The following CFAP47 variants were observed in gnomAD, a reference collection of about 807,000 sequenced individuals.
The protein encoded by CFAP47 is cilia and flagella associated protein 47.
Under a neutral mutation model 148.1 loss-of-function variants are expected in CFAP47, and 29 were observed. The ratio of observed to expected loss-of-function variants is 0.20; its 90% CI spans 0.15 to 0.27. The LOEUF (loss-of-function observed/expected upper bound fraction) is 0.27, where lower values mean the gene tolerates loss of function less well. CFAP47 is among the 10% of genes least tolerant of loss of function. The pLI is 1.00. For missense variants in CFAP47, 1,872 were observed against 1,697.5 expected (o/e 1.10, Z -1.81); for synonymous variants, 664 against 577.3 (o/e 1.15, Z -2.15).
chrX:36,268,054 A>G (rs1237860258), intron 49 of CFAP47, among the ~76,000 whole-genome samples: 2 of 112,869 alleles, frequency 1.8e-5, no homozygotes, highest in Non-Finnish European at 3.7e-5. Context: ...TACTCACATG[A>G]TTGTCTAGAC....
chrX:36,100,460 G>T (rs1016949751), intron 32 of CFAP47, among the ~76,000 whole-genome samples: 6 of 112,089 alleles, frequency 5.4e-5, no homozygotes, highest in Middle Eastern at 4.7e-3. Context: ...TGCATTTGTG[G>T]GTAGATTAAC....
intron 49 of CFAP47, among the ~76,000 whole-genome samples, chrX:36,271,854 C>A (rs147153188): frequency 9.0e-6 from 1 of 111,359 alleles, no homozygotes; most frequent in African/African-American, 3.3e-5. Context: ...GGGAACAATA[C>A]CCCAAAGAAG....
intron 15 of CFAP47, among the ~76,000 whole-genome samples, chrX:35,981,367 T>C (rs1318491688): frequency 1.9e-5 from 2 of 106,071 alleles, no homozygotes; most frequent in Admixed American, 1.1e-4. Flanking sequence ...GCCTACTAGA[T>C]ATTAAAACAA....
intron 26 of CFAP47, among the ~76,000 whole-genome samples, chrX:36,056,646 A>G (rs928462716): frequency 4.4e-5 from 5 of 112,424 alleles, no homozygotes; most frequent in African/African-American, 1.3e-4. Context: ...AATTTGAAAT[A>G]TGTGGAACTG....
rs1378186013 is a variant in CFAP47 at position 36,041,019 on chromosome X, T to C, written c.4007+1840T>C. Among the ~76,000 whole-genome samples, 5 of 111,880 alleles carry C rather than the reference T, an allele frequency of 4.5e-5. No homozygotes were observed. In the East Asian group the frequency reaches 1.4e-3, roughly 31 times the overall value. ...GGAAATATATAACCTTAAATACTGA[T>C]ATTAGGAAAGAAAAAAATGATTGGA... On this transcript the variant is annotated intron_variant, in intron 25 of 63. Transcript: ENST00000378653.
At chrX:35,959,051 T>TA (rs1936285066) in intron 8 of CFAP47, among the ~76,000 whole-genome samples, 1 of 112,299 alleles carries the variant, frequency 8.9e-6, no homozygotes, top group African/African-American at 3.2e-5. Context: ...GCAGATTCTC[T>TA]GCTAGAGTTT....
intron 37 of CFAP47, among the ~76,000 whole-genome samples, chrX:36,157,522 A>T (rs1302776227): frequency 9.0e-6 from 1 of 111,021 alleles, no homozygotes; most frequent in African/African-American, 3.3e-5. Flanking sequence ...TTCACATTCC[A>T]CCTAATATAT....
At chrX:36,030,830 T>G (rs1937271439) in intron 22 of CFAP47, among the ~76,000 whole-genome samples, 1 of 110,361 alleles carries the variant, frequency 9.1e-6, no homozygotes, top group South Asian at 3.8e-4. Context: ...GTTTTCTTGT[T>G]TTATCTAGGA....
At chrX:36,346,592 T>C (rs1371194315) in intron 57 of CFAP47, among the ~76,000 whole-genome samples, 1 of 111,580 alleles carries the variant, frequency 9.0e-6, no homozygotes, top group African/African-American at 3.3e-5. Context: ...GCACCTGTTA[T>C]AGTCTAGAGA....
intron 39 of CFAP47, among the ~76,000 whole-genome samples, chrX:36,178,936 G>A (rs1939718194): frequency 8.9e-6 from 1 of 112,127 alleles, no homozygotes; most frequent in South Asian, 3.7e-4. Context: ...CACATCTCAT[G>A]TCCACTCCTG....
In CFAP47 at chrX:35,924,183, A is replaced by G. The variant is rs183651244; in HGVS notation, c.250-1834A>G. ...TATGTATATATGTACATGTATGCGT[A>G]CATGTATGTGTATATATGGACATGT... On this transcript the variant is annotated intron_variant, in intron 1 of 63. Coordinates refer to ENST00000378653, the MANE Select transcript of CFAP47 (RefSeq NM_001304548.2). Among the ~76,000 whole-genome samples, 431 of 102,781 alleles carry G rather than the reference A, an allele frequency of 4.2e-3. 12 individuals carry two copies. Among genetic ancestry groups the G allele is most frequent in the African/African-American group, 0.013 (340 of 25,840 alleles). The allele number at this position is 102,781 out of a possible 115,157, so 89.3% of individuals were successfully genotyped here.
At chrX:36,273,858 C>A (rs1940985669) in intron 49 of CFAP47, among the ~76,000 whole-genome samples, 1 of 110,019 alleles carries the variant, frequency 9.1e-6, no homozygotes, top group African/African-American at 3.3e-5. Flanking sequence ...AAAAAATATA[C>A]GTAAAAGGAA....
At chrX:36,061,147 C>G (rs1341064979) in intron 26 of CFAP47, among the ~76,000 whole-genome samples, 4 of 110,580 alleles carry the variant, frequency 3.6e-5, no homozygotes, top group Non-Finnish European at 7.6e-5. Flanking sequence ...TGTGTAGCAT[C>G]TCCCACTGCC....
At chrX:36,302,747 A>G (rs1556008041) in intron 53 of CFAP47, among the ~76,000 whole-genome samples, 1 of 112,089 alleles carries the variant, frequency 8.9e-6, no homozygotes, top group Non-Finnish European at 1.9e-5. Flanking sequence ...GCATTTACTC[A>G]TCATCAATTT....
At chrX:36,265,562 A>G (rs1556000911) in intron 49 of CFAP47, among the ~76,000 whole-genome samples, 3 of 111,084 alleles carry the variant, frequency 2.7e-5, no homozygotes, top group Non-Finnish European at 5.6e-5. Flanking sequence ...GGTTCTTATT[A>G]TTTTGAGGTT....
chrX:36,107,844 A>G (rs1484691445), intron 33 of CFAP47, among the ~76,000 whole-genome samples: 1 of 110,873 alleles, frequency 9.0e-6, no homozygotes, highest in African/African-American at 3.3e-5. Flanking sequence ...TCTTATTTCT[A>G]TATTACCTTT....
rs758658137 is a variant in CFAP47, at chrX:36,012,530, C to A, written c.3418-2244C>A. Reference sequence around the variant, plus strand: ...GCCCTTTGCAGGGACACGGATGAAGCTGGAAGCCGTCATCCTCAGCAAACT... The same window carrying A: ...GCCCTTTGCAGGGACACGGATGAAGATGGAAGCCGTCATCCTCAGCAAACT... On this transcript the variant is annotated intron_variant, in intron 21 of 63. Coordinates refer to ENST00000378653, the MANE Select transcript of CFAP47 (RefSeq NM_001304548.2). Among the ~76,000 whole-genome samples the A allele has an allele frequency of 6.3e-5, 7 of 111,552 alleles. No homozygotes were observed. The South Asian group carries it at 2.3e-3, about 36-fold the overall frequency.
At chrX:36,127,393 C>T (rs1330405840) in intron 33 of CFAP47, among the ~76,000 whole-genome samples, 2 of 111,550 alleles carry the variant, frequency 1.8e-5, no homozygotes, top group African/African-American at 6.5e-5. Flanking sequence ...TGTTGAAGAT[C>T]AGATGGTTGT....
At chrX:36,143,897 T>G (rs1305948420) in intron 35 of CFAP47, among the ~76,000 whole-genome samples, 1 of 111,431 alleles carries the variant, frequency 9.0e-6, no homozygotes, top group Non-Finnish European at 1.9e-5. Context: ...TCTTATTATG[T>G]TATTTCTTGT....
Sources: allele counts gnomAD v4.1 joint callset (sites outside exome capture counted in the v4.1 genomes callset), GRCh38; gene constraint gnomAD v4.1.1; transcripts MANE v1.5; gene names NCBI Gene and HGNC (gene_info 2026-07-23, HGNC 2026-07-21).